The following CIRSR variants were observed in gnomAD, a reference collection of about 807,000 sequenced individuals.
CIRSR encodes the protein CBF1 (RBPJ) interacting corepressor 1.
At chr2:174,354,430 TG>T in the CIRSR span, among the ~76,000 whole-genome samples, 188 of 51,020 alleles carry the variant, frequency 3.7e-3, 4 homozygotes, top group Admixed American at 0.024. Context: ...ATATATTATA[TG>T]ATATATATAA....
chr2:174,353,335 A>G, the CIRSR span, among the ~76,000 whole-genome samples: 2 of 152,322 alleles, frequency 1.3e-5, no homozygotes, highest in East Asian at 1.9e-4. Flanking sequence ...ATTCCTATGT[A>G]TTACTTTAAT....
chr2:174,388,262 G>C, the CIRSR span, among the ~76,000 whole-genome samples: 1 of 152,232 alleles, frequency 6.6e-6, no homozygotes, highest in East Asian at 1.9e-4. Context: ...GCAATGGCAT[G>C]ATCTTGGCTC....
At chr2:174,370,466 G>C in the CIRSR span, among the ~76,000 whole-genome samples, 1 of 152,164 alleles carries the variant, frequency 6.6e-6, no homozygotes, top group Non-Finnish European at 1.5e-5. Context: ...TTAATAGATA[G>C]AATTTTGCTT....
chr2:174,351,469 A>T, the CIRSR span: 8 of 521,386 alleles, frequency 1.5e-5, no homozygotes, highest in South Asian at 3.3e-5. Flanking sequence ...AAAATAATAA[A>T]GCAAAATCAA....
At chr2:174,348,984 A>G in the CIRSR span, 1 of 1,584,746 alleles carries the variant, frequency 6.3e-7, no homozygotes, top group Non-Finnish European at 8.6e-7. Flanking sequence ...CTTCCTTTGT[A>G]TTTTTTTTTC....
the CIRSR span, among the ~76,000 whole-genome samples, chr2:174,373,813 C>T: frequency 9.8e-6 from 1 of 102,484 alleles, no homozygotes; most frequent in African/African-American, 2.9e-5. Context: ...TTTCCTTTTC[C>T]TCAATACTAT....
chr2:174,365,415 C>T, the CIRSR span, among the ~76,000 whole-genome samples: 3 of 152,228 alleles, frequency 2.0e-5, no homozygotes, highest in Admixed American at 6.5e-5. Context: ...TACCCAGTTC[C>T]AAAGTTGCTT....
At chr2:174,348,687 C>T in the CIRSR span, 28 of 1,614,068 alleles carry the variant, frequency 1.7e-5, no homozygotes, top group African/African-American at 2.1e-4. Context: ...CCGGCTTCTC[C>T]GGCTCCTTTC....
the CIRSR span, among the ~76,000 whole-genome samples, chr2:174,374,980 T>C: frequency 6.6e-6 from 1 of 152,178 alleles, no homozygotes; most frequent in Non-Finnish European, 1.5e-5. Flanking sequence ...ATTTTCTTAT[T>C]TATTAGTTTA....
the CIRSR span, among the ~76,000 whole-genome samples, chr2:174,374,353 C>T: frequency 6.6e-6 from 1 of 152,166 alleles, no homozygotes; most frequent in Non-Finnish European, 1.5e-5. Context: ...TTACGTAATA[C>T]TGTACTTTGT....
chr2:174,348,956 C>T, the CIRSR span: 1 of 1,601,618 alleles, frequency 6.2e-7, no homozygotes, highest in Non-Finnish European at 8.5e-7. Context: ...GCCCTGAACA[C>T]TTGTTTTTCT....
the CIRSR span, chr2:174,350,585 G>A: frequency 2.3e-6 from 2 of 880,530 alleles, no homozygotes; most frequent in South Asian, 1.9e-5. Context: ...GAGCTCTTAG[G>A]ATCAGAGTTG....
chr2:174,390,009 C>G, the CIRSR span, among the ~76,000 whole-genome samples: 1 of 152,248 alleles, frequency 6.6e-6, no homozygotes, highest in Non-Finnish European at 1.5e-5. Flanking sequence ...AGAACCTCTA[C>G]TAGGGCAGTG....
At chr2:174,375,763 A>C in the CIRSR span, among the ~76,000 whole-genome samples, 2 of 151,608 alleles carry the variant, frequency 1.3e-5, no homozygotes, top group Admixed American at 1.3e-4. Context: ...AAATATTTTC[A>C]TATGTTTAAT....
chr2:174,353,980 T>C, the CIRSR span, among the ~76,000 whole-genome samples: 1 of 152,092 alleles, frequency 6.6e-6, no homozygotes, highest in African/African-American at 2.4e-5. Context: ...GTCACAAAGC[T>C]TGGCCATCAT....
chr2:174,375,136 T>C, the CIRSR span, among the ~76,000 whole-genome samples: 2 of 152,244 alleles, frequency 1.3e-5, no homozygotes, highest in East Asian at 3.8e-4. Flanking sequence ...TTTAGGGTTG[T>C]TGCCAATCTT....
chr2:174,369,840 C>T, the CIRSR span: 39 of 1,007,492 alleles, frequency 3.9e-5, no homozygotes, highest in African/African-American at 5.6e-4. Flanking sequence ...ATAGTAATGT[C>T]AAAGATCACT....
the CIRSR span, among the ~76,000 whole-genome samples, chr2:174,390,897 T>A: frequency 6.6e-6 from 1 of 152,220 alleles, no homozygotes; most frequent in Non-Finnish European, 1.5e-5. Flanking sequence ...GATTTTAAGT[T>A]TCCTGAGGCC....
chr2:174,368,009 A>G, the CIRSR span, among the ~76,000 whole-genome samples: 19 of 152,318 alleles, frequency 1.2e-4, no homozygotes, highest in African/African-American at 4.3e-4. Flanking sequence ...AAAGGGGTCA[A>G]TTACCCAGGA....
Sources: gnomAD v4.1 joint callset for allele counts (sites outside exome capture counted in the v4.1 genomes callset) on GRCh38, gnomAD v4.1.1 for gene constraint, MANE v1.5 for transcripts, NCBI Gene and HGNC (gene_info 2026-07-23, HGNC 2026-07-21) for gene names.